The following CHMP3 variants were observed in gnomAD, a reference collection of about 807,000 sequenced individuals.
CHMP3 encodes 25.1 protein.
CHMP3 carries 8 observed loss-of-function variants against 27.4 expected under a neutral mutation model. The observed-to-expected ratio is 0.29, with a 90% CI of 0.17 to 0.53. The LOEUF is 0.53. Ranked by LOEUF, CHMP3 falls within the 20% of genes least tolerant of loss-of-function variation. CHMP3 has a pLI of 0.96. For missense variants in CHMP3, 208 were observed against 271.5 expected (o/e 0.77, Z 1.64); for synonymous variants, 86 against 85.5 (o/e 1.01, Z -0.03).
chr2:86,562,701 T>C (rs1366556342), intron 1 of CHMP3: 3 of 152,230 alleles, frequency 2.0e-5, no homozygotes, highest in Non-Finnish European at 2.9e-5. Flanking sequence ...TCTCAATTAA[T>C]AGGTAACGAG....
At position 86,505,671 on chromosome 2, in the gene CHMP3, G is replaced by T; in HGVS notation, c.*133C>A. ...AATCCCTTTGCGATCCCAAAACCTG[G>T]GCAGAGAATGAAAAGAGACAAACAG... On this transcript the variant is annotated 3_prime_UTR_variant, in exon 6 of 6. Coordinates refer to ENST00000263856, the MANE Select transcript of CHMP3 (RefSeq NM_016079.4). The T allele has an allele frequency of 8.1e-7, 1 of 1,242,100 alleles. No homozygotes were observed. Among genetic ancestry groups the T allele is most frequent in the Non-Finnish European group, 1.0e-6 (1 of 961,712 alleles). The allele number at this position is 1,242,100 out of a possible 1,614,324, so 76.9% of individuals were successfully genotyped here. A position where few individuals can be genotyped will look rare whatever the true frequency, so the allele number is the denominator to read the frequency against.
chr2:86,513,382 A>G (rs1239339200), intron 3 of CHMP3, among the ~76,000 whole-genome samples: 2 of 152,206 alleles, frequency 1.3e-5, no homozygotes, highest in Non-Finnish European at 2.9e-5. Context: ...AGCACAGAGA[A>G]TTTTTAGGGC....
chr2:86,558,084 GA>G (rs1333567609), intron 1 of CHMP3, among the ~76,000 whole-genome samples: 1 of 152,108 alleles, frequency 6.6e-6, no homozygotes, highest in African/African-American at 2.4e-5. Context: ...TGATGCCATG[GA>G]AGGGGGCACT....
intron 3 of CHMP3, among the ~76,000 whole-genome samples, chr2:86,528,932 G>A (rs1231992030): frequency 6.6e-6 from 1 of 152,102 alleles, no homozygotes; most frequent in Non-Finnish European, 1.5e-5. Flanking sequence ...CATCTAGGCT[G>A]GCCTCTTACT....
chr2:86,538,637 T>G (rs1399783159), intron 2 of CHMP3, among the ~76,000 whole-genome samples: 1 of 152,194 alleles, frequency 6.6e-6, no homozygotes, highest in Non-Finnish European at 1.5e-5. Flanking sequence ...TATAACTACC[T>G]TTATAGTCAT....
At chr2:86,515,892 T>C (rs1675281452) in intron 3 of CHMP3, among the ~76,000 whole-genome samples, 1 of 152,090 alleles carries the variant, frequency 6.6e-6, no homozygotes, top group Non-Finnish European at 1.5e-5. Flanking sequence ...GCATGGTGGC[T>C]CACCCCTGTA....
Position 86,505,638 on chromosome 2 carries a change from A to G in CHMP3, c.*166T>C. 1 of 918,324 alleles carries G rather than the reference A, an allele frequency of 1.1e-6. No individual in the cohort carries two copies. Among genetic ancestry groups the G allele is most frequent in the Non-Finnish European group, 1.5e-6 (1 of 670,906 alleles). The allele number at this position is 918,324 out of a possible 1,614,324, so 56.9% of individuals were successfully genotyped here. A position where few individuals can be genotyped will look rare whatever the true frequency, so the allele number is the denominator to read the frequency against. On this transcript the variant is annotated 3_prime_UTR_variant, in exon 6 of 6. Transcript: ENST00000263856. Reference sequence around the variant, plus strand: ...TGATGCATTTATTTATGCCACTTTTATAAGAACAATCCCTTTGCGATCCCA... The same window carrying G: ...TGATGCATTTATTTATGCCACTTTTGTAAGAACAATCCCTTTGCGATCCCA...
intron 4 of CHMP3, among the ~76,000 whole-genome samples, chr2:86,509,945 C>G (rs1443728971): frequency 1.3e-5 from 2 of 152,198 alleles, no homozygotes; most frequent in Non-Finnish European, 2.9e-5. Flanking sequence ...ATTTGATTCT[C>G]AGTCTCTCCT....
At chr2:86,553,625 C>A (rs1021438459) in intron 1 of CHMP3, among the ~76,000 whole-genome samples, 1 of 152,136 alleles carries the variant, frequency 6.6e-6, no homozygotes, top group Non-Finnish European at 1.5e-5. Flanking sequence ...CCACCGCGCC[C>A]GACCCCAAAC....
intron 1 of CHMP3, chr2:86,561,906 T>C (rs930234108): frequency 3.3e-5 from 5 of 152,236 alleles, no homozygotes; most frequent in Non-Finnish European, 5.9e-5. Flanking sequence ...AATTTACGAA[T>C]GGCAATGCCA....
chr2:86,527,585 T>C (rs1675764998), intron 3 of CHMP3, among the ~76,000 whole-genome samples: 1 of 152,152 alleles, frequency 6.6e-6, no homozygotes, highest in African/African-American at 2.4e-5. Context: ...CTCAGTTTGA[T>C]CAAAAGGCAT....
chr2:86,560,123 G>C (rs1677287937), intron 1 of CHMP3, among the ~76,000 whole-genome samples: 1 of 152,162 alleles, frequency 6.6e-6, no homozygotes, highest in African/African-American at 2.4e-5. Flanking sequence ...AAATTAGCCA[G>C]ATGTGGTGGC....
chr2:86,538,913 A>G (rs1369707333), intron 2 of CHMP3, among the ~76,000 whole-genome samples: 1 of 152,192 alleles, frequency 6.6e-6, no homozygotes, highest in Admixed American at 6.5e-5. Context: ...AGCTATATAC[A>G]TTTTCACAAA....
Position 86,547,363 on chromosome 2 carries a change from A to T in CHMP3, c.46-5051T>A, listed in dbSNP as rs563559846. On this transcript the variant is annotated intron_variant, in intron 1 of 5. Transcript: ENST00000263856. ...TTTCTATGTATGTTTTTAAATGTCA[A>T]AGAGTAAAAGTTTCATAAAATCTGT... Among the ~76,000 whole-genome samples, 39 of 152,126 alleles carry T rather than the reference A, an allele frequency of 2.6e-4. 1 individual carries two copies. The East Asian group carries it at 7.5e-3, about 29-fold the overall frequency.
chr2:86,556,640 C>T (rs1036795454), intron 1 of CHMP3, among the ~76,000 whole-genome samples: 2 of 151,850 alleles, frequency 1.3e-5, no homozygotes, highest in Non-Finnish European at 2.9e-5. Flanking sequence ...TTTAATCATC[C>T]GCCAGCAGGA....
intron 1 of CHMP3, among the ~76,000 whole-genome samples, chr2:86,557,468 C>T (rs1181636493): frequency 6.6e-6 from 1 of 152,142 alleles, no homozygotes; most frequent in Non-Finnish European, 1.5e-5. Flanking sequence ...GTTCTGATTG[C>T]TCCCCATCTT....
intron 2 of CHMP3, among the ~76,000 whole-genome samples, chr2:86,532,079 A>G (rs1042813997): frequency 2.6e-4 from 39 of 152,196 alleles, no homozygotes; most frequent in African/African-American, 9.4e-4. Flanking sequence ...TAATCTCCCA[A>G]TACATGAAAA....
At chr2:86,507,429 G>A in intron 5 of CHMP3, 50 bp downstream of exon 5, 1 of 1,528,656 alleles carries the variant, frequency 6.5e-7, no homozygotes, top group Non-Finnish European at 9.1e-7. Flanking sequence ...GTGAATGAAG[G>A]AAGAATGGCC....
rs1376785018 is a variant in CHMP3, at chr2:86,504,795, G to C, written c.*1009C>G. On this transcript the variant is annotated 3_prime_UTR_variant, in exon 6 of 6. Transcript: ENST00000263856. The stretch of plus-strand genomic sequence containing the variant: ...ACATACAACTTGGACCAGAGGATCT[G>C]GGTTTGAATCCCATCTCTGATACTT... 1 of 152,106 alleles carries C rather than the reference G, an allele frequency of 6.6e-6. No individual in the cohort carries two copies. 9.4% of individuals were successfully genotyped at this position (152,106 alleles called of 1,614,324 possible). A position where few individuals can be genotyped will look rare whatever the true frequency, so the allele number is the denominator to read the frequency against.
Sources: allele counts gnomAD v4.1 joint callset (sites outside exome capture counted in the v4.1 genomes callset), GRCh38; gene constraint gnomAD v4.1.1; transcripts MANE v1.5; gene names NCBI Gene and HGNC (gene_info 2026-07-23, HGNC 2026-07-21).